ENTREP2: variants seen among roughly 807,000 people sequenced by gnomAD.
ENTREP2 encodes endosomal transmembrane epsin interactor 2.
chr15:29,424,888 C>T, the ENTREP2 span, among the ~76,000 whole-genome samples: 1 of 152,192 alleles, frequency 6.6e-6, no homozygotes, highest in African/African-American at 2.4e-5. Flanking sequence ...GTATCTTGTT[C>T]TTGCTGACCA....
chr15:29,645,915 A>C, the ENTREP2 span, among the ~76,000 whole-genome samples: 2 of 152,106 alleles, frequency 1.3e-5, no homozygotes, highest in Non-Finnish European at 2.9e-5. Flanking sequence ...TCAGTATTTT[A>C]TTGATTCTGG....
the ENTREP2 span, chr15:29,570,428 C>A: frequency 4.0e-6 from 4 of 996,968 alleles, no homozygotes; most frequent in Non-Finnish European, 5.1e-6. Context: ...GCGGTGGCGT[C>A]CCGGCGGCCG....
chr15:29,621,852 G>A, the ENTREP2 span, among the ~76,000 whole-genome samples: 1 of 152,166 alleles, frequency 6.6e-6, no homozygotes, highest in Admixed American at 6.5e-5. Context: ...CCAAAAAGTG[G>A]AAGCAAGCCA....
At chr15:29,360,146 A>C in the ENTREP2 span, among the ~76,000 whole-genome samples, 1 of 152,348 alleles carries the variant, frequency 6.6e-6, no homozygotes, top group East Asian at 1.9e-4. Context: ...AATACTTTTT[A>C]AATTAACTGT....
chr15:29,433,439 A>G, the ENTREP2 span, among the ~76,000 whole-genome samples: 12 of 152,228 alleles, frequency 7.9e-5, no homozygotes, highest in Admixed American at 7.9e-4. Flanking sequence ...GCTACATTTT[A>G]TTCTTAAGGC....
At chr15:29,522,965 G>A in the ENTREP2 span, among the ~76,000 whole-genome samples, 543 of 152,308 alleles carry the variant, frequency 3.6e-3, 4 homozygotes, top group African/African-American at 0.013. Flanking sequence ...ACGTCTGTAG[G>A]TCCTTTGAAA....
chr15:29,396,312 T>G, the ENTREP2 span, among the ~76,000 whole-genome samples: 1 of 148,598 alleles, frequency 6.7e-6, no homozygotes, highest in South Asian at 2.1e-4. Context: ...TCTGTTACCA[T>G]GAGTTTGACT....
At chr15:29,243,825 A>G in the ENTREP2 span, among the ~76,000 whole-genome samples, 2 of 152,242 alleles carry the variant, frequency 1.3e-5, no homozygotes, top group Admixed American at 6.5e-5. Flanking sequence ...CATAATGAAC[A>G]TGGGAAAATA....
chr15:29,153,198 C>G, the ENTREP2 span, among the ~76,000 whole-genome samples: 3 of 150,742 alleles, frequency 2.0e-5, no homozygotes, highest in South Asian at 4.2e-4. Flanking sequence ...ATTCTAGGTA[C>G]TAGTTCTTTG....
At chr15:29,618,234 C>G in the ENTREP2 span, among the ~76,000 whole-genome samples, 3 of 151,926 alleles carry the variant, frequency 2.0e-5, no homozygotes, top group Admixed American at 6.6e-5. Flanking sequence ...CCAGCCTGAC[C>G]AACATAGTGA....
the ENTREP2 span, among the ~76,000 whole-genome samples, chr15:29,458,914 T>C: frequency 3.9e-5 from 6 of 152,198 alleles, no homozygotes; most frequent in African/African-American, 1.4e-4. Flanking sequence ...AGGAGACTTA[T>C]CCAGAGCTAG....
chr15:29,581,579 A>T, the ENTREP2 span, among the ~76,000 whole-genome samples: 104,441 of 151,866 alleles, frequency 0.69, 36,255 homozygotes, highest in South Asian at 0.79. Flanking sequence ...TGAAATTTTT[A>T]AAAAACTCCT....
At chr15:29,495,649 A>G in the ENTREP2 span, among the ~76,000 whole-genome samples, 12 of 152,126 alleles carry the variant, frequency 7.9e-5, no homozygotes, top group Non-Finnish European at 1.5e-5. Flanking sequence ...TCCTAACACC[A>G]TTAATTGAAA....
chr15:29,188,058 G>C, the ENTREP2 span, among the ~76,000 whole-genome samples: 2 of 152,170 alleles, frequency 1.3e-5, no homozygotes, highest in African/African-American at 4.8e-5. Context: ...GTATCGCACA[G>C]TGGAGTCTGG....
the ENTREP2 span, among the ~76,000 whole-genome samples, chr15:29,310,371 A>G: frequency 0.22 from 32,908 of 152,172 alleles, 6,924 homozygotes; most frequent in African/African-American, 0.55. Flanking sequence ...AAGGGCCAGG[A>G]CTGAGGGACG....
the ENTREP2 span, among the ~76,000 whole-genome samples, chr15:29,287,901 A>C: frequency 6.6e-6 from 1 of 152,246 alleles, no homozygotes; most frequent in Non-Finnish European, 1.5e-5. Flanking sequence ...AGTATAGACA[A>C]AAAGACCAAC....
the ENTREP2 span, among the ~76,000 whole-genome samples, chr15:29,351,543 TAAC>T: frequency 3.3e-5 from 5 of 152,176 alleles, no homozygotes; most frequent in African/African-American, 1.2e-4. Context: ...TTAAAAGTAA[TAAC>T]AATAAGATGA....
At chr15:29,302,096 A>G in the ENTREP2 span, among the ~76,000 whole-genome samples, 1 of 151,970 alleles carries the variant, frequency 6.6e-6, no homozygotes, top group Non-Finnish European at 1.5e-5. Context: ...TGTTTTTTTC[A>G]TTTTTGATGT....
the ENTREP2 span, among the ~76,000 whole-genome samples, chr15:29,328,580 C>T: frequency 6.6e-6 from 1 of 152,100 alleles, no homozygotes; most frequent in Non-Finnish European, 1.5e-5. Flanking sequence ...TACTAAAGGC[C>T]AAAGAAGCTG....
Sources: allele counts gnomAD v4.1 joint callset (sites outside exome capture counted in the v4.1 genomes callset), GRCh38; gene constraint gnomAD v4.1.1; transcripts MANE v1.5; gene names NCBI Gene and HGNC (gene_info 2026-07-23, HGNC 2026-07-21).